The following CLPB variants were observed in gnomAD, a reference collection of about 807,000 sequenced individuals.
CLPB encodes ClpB family mitochondrial disaggregase.
A neutral mutation model predicts 78.4 loss-of-function variants in CLPB; 40 were observed. The observed-to-expected ratio is 0.51, with a 90% CI of 0.40 to 0.66. The LOEUF is 0.66. CLPB is among the 30% of genes least tolerant of loss of function. CLPB has a pLI of 0.00. For missense variants in CLPB, 780 were observed against 886.9 expected (o/e 0.88, Z 1.53); for synonymous variants, 333 against 348.0 (o/e 0.96, Z 0.48).
chr11:72,365,905 A>G (rs563743227), intron 4 of CLPB, among the ~76,000 whole-genome samples: 6 of 152,184 alleles, frequency 3.9e-5, no homozygotes, highest in Non-Finnish European at 8.8e-5. Context: ...ACAAAAATCA[A>G]CTCAAGATGG....
At chr11:72,330,181 T>C (rs1205751914) in intron 5 of CLPB, among the ~76,000 whole-genome samples, 2 of 152,254 alleles carry the variant, frequency 1.3e-5, no homozygotes, top group African/African-American at 4.8e-5. Flanking sequence ...CATGAAGCCA[T>C]ATAAAGGGTT....
intron 9 of CLPB, 26 bp downstream of exon 9, chr11:72,307,173 G>C (rs201616657): frequency 1.5e-5 from 24 of 1,609,576 alleles, no homozygotes; most frequent in Non-Finnish European, 2.0e-5. Context: ...ACGATCTGCA[G>C]ATCAGACCTA....
rs2135549683 is a variant in CLPB, at chr11:72,329,743, C to T, written c.837G>A (p.Gly279=). 6.2e-7 allele frequency: 1 copy of T among 1,613,986 alleles called. No individual in the cohort carries two copies. Among genetic ancestry groups the T allele is most frequent in the Non-Finnish European group, 8.5e-7 (1 of 1,179,926 alleles). The change falls in exon 6 of 16, where the codon GGG becomes GGA. Residue 279 remains glycine (G), a synonymous_variant. Transcript: ENST00000538039. ...AAGTCCTCAGAAGCTTCATCACTTC[C>T]CCTTCTCGGGCATAATCCAAGGGTG... ...GHTPLDYARE[G]EVMKLLRTSE... is the part of the protein sequence containing the mutation.
intron 3 of CLPB, among the ~76,000 whole-genome samples, chr11:72,389,643 C>T (rs2135041863): frequency 6.6e-6 from 1 of 152,298 alleles, no homozygotes; most frequent in Admixed American, 6.5e-5. Flanking sequence ...CAGCGATTCT[C>T]TGGCTGGCAT....
intron 7 of CLPB, among the ~76,000 whole-genome samples, chr11:72,310,021 A>C (rs1949816024): frequency 6.6e-6 from 1 of 152,172 alleles, no homozygotes; most frequent in Admixed American, 6.5e-5. Context: ...CTGGTGATGG[A>C]TCATGGAGGA....
At chr11:72,327,436 A>T (rs2135546094) in intron 6 of CLPB, among the ~76,000 whole-genome samples, 1 of 152,316 alleles carries the variant, frequency 6.6e-6, no homozygotes, top group Admixed American at 6.5e-5. Flanking sequence ...TGACTGGCAC[A>T]GGGGATTGCA....
At position 72,380,299 on chromosome 11, in the gene CLPB, C is replaced by T. The variant is rs756161923; in HGVS notation, c.628G>A (p.Gly210Arg). 31 of 1,613,602 alleles carry T rather than the reference C, an allele frequency of 1.9e-5. No homozygotes were observed. The highest frequency in any genetic ancestry group is 6.7e-5 in the African/African-American group (5 of 74,916). ...SSVYKTAKEQ[G>R]IHSLEVLITR... ...CACTTACCTTCCAAAGAATGGATTC[C>T]CTGTTCCTTGGCAGTCTTGTAAACA... Residue 210 changes from glycine to arginine, a missense_variant, in exon 4 of 16, where the codon GGA becomes AGA. Physicochemically the swap from Gly to Arg is moderately radical, Grantham distance 125. This residue lies in a region of CLPB where 417 missense variants were observed against 414.7 expected (regional missense o/e 1.01). Transcript: ENST00000538039.
Position 72,434,093 on chromosome 11 carries a change from T to G in CLPB, c.382A>C (p.Ser128Arg), listed in dbSNP as rs1434490152. ...LAAALVVHCY[S>R]KSPSNKDAAL... ...TCACCCTTGTTGGACGGACTCTTGC[T>G]GTAGCAATGAACCACCAGCGCTGCG... The change falls in exon 1 of 16, where the codon AGC (serine) becomes CGC (arginine). Residue 128 changes from serine to arginine, a missense_variant. Physicochemically the swap from Ser to Arg is moderately radical, Grantham distance 110. Around this residue, in one of 3 missense-constraint regions of CLPB, gnomAD observed 417 missense variants for 414.7 expected, o/e 1.01. Transcript: ENST00000538039. The G allele has an allele frequency of 6.2e-7, 1 of 1,611,390 alleles. No homozygotes were observed. The highest frequency in any genetic ancestry group is 1.1e-5 in the South Asian group (1 of 91,068).
chr11:72,375,409 A>G (rs1854658306), intron 4 of CLPB, among the ~76,000 whole-genome samples: 1 of 151,980 alleles, frequency 6.6e-6, no homozygotes, highest in African/African-American at 2.4e-5. Context: ...TATTCTCCTC[A>G]ATCCTGCAGC....
intron 6 of CLPB, among the ~76,000 whole-genome samples, chr11:72,322,816 T>C (rs1202576063): frequency 1.3e-5 from 2 of 152,200 alleles, no homozygotes; most frequent in African/African-American, 2.4e-5. Flanking sequence ...ACTGTGTAAA[T>C]ATCCTGTTAC....
intron 5 of CLPB, among the ~76,000 whole-genome samples, chr11:72,348,751 A>G (rs1950559795): frequency 6.6e-6 from 1 of 152,186 alleles, no homozygotes; most frequent in South Asian, 2.1e-4. Flanking sequence ...ATCACTGTAC[A>G]GGGTGTAGTC....
chr11:72,347,426 C>T (rs1162324059), intron 5 of CLPB, among the ~76,000 whole-genome samples: 5 of 152,134 alleles, frequency 3.3e-5, no homozygotes, highest in African/African-American at 1.2e-4. Context: ...CACTGCACTC[C>T]AGCCTGGGTG....
intron 6 of CLPB, among the ~76,000 whole-genome samples, chr11:72,319,895 A>G (rs1950014498): frequency 6.6e-6 from 1 of 152,102 alleles, no homozygotes; most frequent in South Asian, 2.1e-4. Flanking sequence ...TTGGTACTGG[A>G]ATCCTTTAAC....
chr11:72,408,682 A>G (rs948534930), intron 2 of CLPB, among the ~76,000 whole-genome samples: 16 of 151,536 alleles, frequency 1.1e-4, no homozygotes, highest in East Asian at 7.7e-4. Context: ...AAAAAAAAAA[A>G]AAAAAGAAAA....
intron 6 of CLPB, among the ~76,000 whole-genome samples, 169 bp from the exon 7 acceptor site, chr11:72,317,389 A>G (rs535790628): frequency 4.4e-4 from 67 of 152,308 alleles, no homozygotes; most frequent in Non-Finnish European, 8.7e-4. Flanking sequence ...CTCTCCACTC[A>G]GGTGGCTGCC....
At chr11:72,423,430 A>C (rs1856267827) in intron 2 of CLPB, among the ~76,000 whole-genome samples, 1 of 152,220 alleles carries the variant, frequency 6.6e-6, no homozygotes, top group Admixed American at 6.5e-5. Flanking sequence ...TTGAATACTT[A>C]CTGTGTGGCA....
chr11:72,395,307 C>T (rs1590890764), intron 3 of CLPB, among the ~76,000 whole-genome samples: 1 of 152,122 alleles, frequency 6.6e-6, no homozygotes, highest in African/African-American at 2.4e-5. Flanking sequence ...CTGATAGAGC[C>T]GACTTGACTC....
chr11:72,407,027 C>T (rs1313359713), intron 2 of CLPB, among the ~76,000 whole-genome samples: 1 of 152,144 alleles, frequency 6.6e-6, no homozygotes, highest in African/African-American at 2.4e-5. Context: ...TGCATAACTC[C>T]CCACGGTGTG....
At chr11:72,325,538 A>T (rs1950118998) in intron 6 of CLPB, among the ~76,000 whole-genome samples, 1 of 152,190 alleles carries the variant, frequency 6.6e-6, no homozygotes, top group Non-Finnish European at 1.5e-5. Context: ...ACAGTGAGGG[A>T]CACATCATTC....
Sources: gnomAD v4.1 joint callset for allele counts (sites outside exome capture counted in the v4.1 genomes callset) on GRCh38, gnomAD v4.1.1 for gene constraint, gnomAD v4.1.1 regional missense constraint, MANE v1.5 for transcripts, NCBI Gene and HGNC (gene_info 2026-07-23, HGNC 2026-07-21) for gene names.